The following CDH4 variants were observed in gnomAD, a reference collection of about 807,000 sequenced individuals.
The protein encoded by CDH4 is cadherin 4, also known as cadherin-4.
CDH4 carries 33 observed loss-of-function variants against 86.0 expected under a neutral mutation model. That is an observed-to-expected ratio of 0.38 (90% confidence interval 0.29 to 0.51). CDH4 has a LOEUF of 0.51. Among genes scored for constraint, CDH4 ranks in the 20% least tolerant of loss-of-function variants. CDH4 has a pLI of 0.86. For missense variants in CDH4, 1,114 were observed against 1,307.4 expected, an observed-to-expected ratio of 0.85 and a Z score of 2.28; for synonymous variants, 555 against 549.4, an observed-to-expected ratio of 1.01 and a Z score of -0.14.
At chr20:61,695,538 G>A (rs966208151) in intron 2 of CDH4, among the ~76,000 whole-genome samples, 1 of 152,204 alleles carries the variant, frequency 6.6e-6, no homozygotes, top group Non-Finnish European at 1.5e-5. Flanking sequence ...CTCGCTCTGG[G>A]TCTAGCCACA....
At chr20:61,462,011 C>T (rs563383951) in intron 2 of CDH4, among the ~76,000 whole-genome samples, 6 of 152,276 alleles carry the variant, frequency 3.9e-5, no homozygotes, top group South Asian at 2.1e-4. Context: ...ACAGCACTCG[C>T]GTGCACTTAA....
chr20:61,854,225 C>T (rs1177423530), intron 6 of CDH4, among the ~76,000 whole-genome samples: 1 of 152,152 alleles, frequency 6.6e-6, no homozygotes, highest in African/African-American at 2.4e-5. Context: ...AGGGGCACCA[C>T]ACGCCCCTGC....
At chr20:61,583,045 T>C (rs574717228) in intron 2 of CDH4, among the ~76,000 whole-genome samples, 76 of 151,554 alleles carry the variant, frequency 5.0e-4, no homozygotes, top group South Asian at 1.5e-3. Context: ...GGTCCTACTC[T>C]TGGTTTTCCA....
chr20:61,459,248 G>A (rs2085428529), intron 2 of CDH4, among the ~76,000 whole-genome samples: 1 of 151,922 alleles, frequency 6.6e-6, no homozygotes, highest in South Asian at 2.1e-4. Context: ...CCAGTTTTTG[G>A]TCCATGCTGG....
At chr20:61,859,029 C>A (rs1194611435) in intron 6 of CDH4, among the ~76,000 whole-genome samples, 1 of 152,186 alleles carries the variant, frequency 6.6e-6, no homozygotes, top group East Asian at 1.9e-4. Flanking sequence ...CTCATCCCGC[C>A]CTCCTGAGAG....
intron 4 of CDH4, among the ~76,000 whole-genome samples, chr20:61,780,252 A>G (rs1440610603): frequency 6.6e-6 from 1 of 151,858 alleles, no homozygotes; most frequent in Non-Finnish European, 1.5e-5. Context: ...TCCTGTGCAC[A>G]AGCTCCCCCC....
In CDH4 at chr20:61,518,053, G is replaced by A. The variant is rs950777427; in HGVS notation, c.170-225510G>A. On this transcript the variant is annotated intron_variant, in intron 2 of 15. Coordinates refer to ENST00000614565, the MANE Select transcript of CDH4 (RefSeq NM_001794.5). This position sits in a 1 kb window ranked among gnomAD's most constrained non-coding sequence, Gnocchi z 6.3. ...CAGGTTACCTGATCCCTTTTCAGGC[G>A]CTATTTTCCCCATGCAGATAAGGCC... 5.9e-5 allele frequency among the ~76,000 whole-genome samples: 9 copies of A among 152,242 alleles called. No homozygotes were observed. Among genetic ancestry groups the A allele is most frequent in the Non-Finnish European group, 7.4e-5 (5 of 68,018 alleles).
intron 2 of CDH4, among the ~76,000 whole-genome samples, chr20:61,526,072 A>G (rs2085907468): frequency 6.6e-6 from 1 of 152,200 alleles, no homozygotes; most frequent in Non-Finnish European, 1.5e-5. Flanking sequence ...AAACTCATGC[A>G]GTAATGACAA....
intron 2 of CDH4, among the ~76,000 whole-genome samples, chr20:61,299,805 C>A (rs772576446): frequency 6.6e-6 from 1 of 152,070 alleles, no homozygotes. Context: ...GGAGGACTAG[C>A]GCCAAAAAAC....
chr20:61,674,406 G>T (rs1015018918), intron 2 of CDH4, among the ~76,000 whole-genome samples: 2 of 152,198 alleles, frequency 1.3e-5, no homozygotes, highest in African/African-American at 2.4e-5. Context: ...TAACTAGAAG[G>T]CTGGGAGTGA....
intron 6 of CDH4, among the ~76,000 whole-genome samples, chr20:61,868,654 A>G (rs1600723993): frequency 1.3e-5 from 2 of 151,632 alleles, no homozygotes; most frequent in African/African-American, 4.8e-5. Flanking sequence ...GGTGTCCTCC[A>G]TGCTGGGCGG....
At chr20:61,728,910 C>G (rs2088145417) in intron 2 of CDH4, among the ~76,000 whole-genome samples, 1 of 152,186 alleles carries the variant, frequency 6.6e-6, no homozygotes, top group Non-Finnish European at 1.5e-5. Context: ...TCCAGGTTCC[C>G]AAGGAACACC....
chr20:61,813,776 C>T (rs1236813598), intron 4 of CDH4, among the ~76,000 whole-genome samples: 1 of 152,170 alleles, frequency 6.6e-6, no homozygotes, highest in Non-Finnish European at 1.5e-5. Context: ...TCCCAGGAAG[C>T]TATGCCCAAC....
intron 2 of CDH4, among the ~76,000 whole-genome samples, chr20:61,569,355 G>A (rs996813580): frequency 1.3e-5 from 2 of 152,140 alleles, no homozygotes; most frequent in Non-Finnish European, 2.9e-5. Context: ...TAGAGGAGTT[G>A]CAAGAATAAG....
chr20:61,391,645 T>G (rs117023507), intron 2 of CDH4, among the ~76,000 whole-genome samples: 2,606 of 152,342 alleles, frequency 0.017, 31 homozygotes, highest in Non-Finnish European at 0.026. Flanking sequence ...GCTTGGTTAG[T>G]AAGACAGTTG....
chr20:61,292,376 C>A (rs750348693), intron 2 of CDH4, among the ~76,000 whole-genome samples: 18 of 152,234 alleles, frequency 1.2e-4, no homozygotes, highest in Admixed American at 2.6e-4. Context: ...AACGCATCCA[C>A]CCCAGTCCTT....
At chr20:61,274,180 G>C (rs1460649434) in intron 2 of CDH4, among the ~76,000 whole-genome samples, 1 of 130,338 alleles carries the variant, frequency 7.7e-6, no homozygotes, top group Non-Finnish European at 1.6e-5. Context: ...GGAGTACTGT[G>C]TGCAATTTGG....
intron 2 of CDH4, among the ~76,000 whole-genome samples, chr20:61,496,081 C>T (rs1013203721): frequency 1.3e-5 from 2 of 151,734 alleles, no homozygotes; most frequent in Non-Finnish European, 2.9e-5. Context: ...AATTGAACAA[C>T]GGACATCTAT....
intron 2 of CDH4, among the ~76,000 whole-genome samples, chr20:61,700,933 G>C (rs1659870893): frequency 6.6e-6 from 1 of 152,238 alleles, no homozygotes; most frequent in Non-Finnish European, 1.5e-5. Flanking sequence ...ACTTTCAAAG[G>C]TGTATTCGTG....
Sources: allele counts gnomAD v4.1 joint callset (sites outside exome capture counted in the v4.1 genomes callset), GRCh38; gene constraint gnomAD v4.1.1; non-coding constraint Gnocchi (gnomAD v3.1); transcripts MANE v1.5; gene names NCBI Gene and HGNC (gene_info 2026-07-23, HGNC 2026-07-21).